STAT5A: variants seen among roughly 807,000 people sequenced by gnomAD.
The protein encoded by STAT5A is epididymis secretory sperm binding protein.
Under a neutral mutation model 100.2 loss-of-function variants are expected in STAT5A, and 26 were observed. The observed-to-expected ratio is 0.26, with a 90% CI of 0.19 to 0.36. The LOEUF (loss-of-function observed/expected upper bound fraction) is 0.36. Ranked by LOEUF, STAT5A falls within the 10% of genes least tolerant of loss-of-function variation. STAT5A has a pLI of 1.00. For missense variants in STAT5A, 634 were observed against 1,027.5 expected (o/e 0.62, Z 5.24); for synonymous variants, 330 against 424.3 (o/e 0.78, Z 2.73).
At chr17:42,306,891 T>C (rs2081034308) in intron 13 of STAT5A, among the ~76,000 whole-genome samples, 1 of 152,070 alleles carries the variant, frequency 6.6e-6, no homozygotes, top group Non-Finnish European at 1.5e-5. Flanking sequence ...GGCTAATTTT[T>C]GTATTTTTAG....
intron 11 of STAT5A, among the ~76,000 whole-genome samples, chr17:42,305,284 C>T (rs548187600): frequency 3.6e-4 from 54 of 152,064 alleles, no homozygotes; most frequent in Non-Finnish European, 6.3e-4. Context: ...GGGTGGATCA[C>T]CTGAGGTCAG....
At chr17:42,290,810 G>T (rs1020366988) in intron 3 of STAT5A, among the ~76,000 whole-genome samples, 51 of 152,238 alleles carry the variant, frequency 3.4e-4, no homozygotes, top group Non-Finnish European at 1.0e-4. Context: ...TGTGAAATGG[G>T]GATCATAGTT....
rs945686205 is a variant in STAT5A, at chr17:42,289,923, G to A, written c.186G>A (p.Glu62=). ...GAGCCCAAGCCACCCAGCTCCTGGA[G>A]GGCCTGGTGCAGGAGCTGCAGAAGA... The part of the protein sequence containing the change: ...QDRAQATQLL[E]GLVQELQKKA... Residue 62 remains glutamate, a synonymous_variant, in exon 3 of 19, where the codon GAG becomes GAA. Transcript: ENST00000590949. 1 of 1,602,074 alleles carries A rather than the reference G, an allele frequency of 6.2e-7. No homozygotes were observed. The highest frequency in any genetic ancestry group is 1.3e-5 in the African/African-American group (1 of 74,760).
chr17:42,302,222 A>G (rs1723340189), intron 9 of STAT5A, among the ~76,000 whole-genome samples: 1 of 152,248 alleles, frequency 6.6e-6, no homozygotes, highest in South Asian at 2.1e-4. Flanking sequence ...TGTGCTACGC[A>G]CTGAGGACAA....
At position 42,304,405 on chromosome 17, in the gene STAT5A, C is replaced by T. The variant is rs1157963764; in HGVS notation, c.1233C>T (p.Thr411=). 1 of 1,614,208 alleles carries T rather than the reference C, an allele frequency of 6.2e-7. No homozygotes were observed. Residue 411 remains threonine, a synonymous_variant, in exon 10 of 19, where the codon ACC becomes ACT. Coordinates refer to ENST00000590949, the MANE Select transcript of STAT5A (RefSeq NM_001288718.2). The surrounding 1 kb of genome is among the most constrained non-coding windows in gnomAD (Gnocchi z 4.8). ...TGGAGTACCACCAAGCCACGGGCACCCTCAGTGCCCACTTCAGGAACATGG... is the reference window on the plus strand; with the variant it reads ...TGGAGTACCACCAAGCCACGGGCACTCTCAGTGCCCACTTCAGGAACATGG... ...CVMEYHQATG[T]LSAHFRNMSL... is the part of the protein sequence containing the mutation.
At chr17:42,305,135 G>A (rs2081015783) in intron 11 of STAT5A, among the ~76,000 whole-genome samples, 1 of 152,210 alleles carries the variant, frequency 6.6e-6, no homozygotes, top group Non-Finnish European at 1.5e-5. Context: ...AGGAGGTCAA[G>A]GCTGCAGTGA....
At chr17:42,309,705 C>T (rs2081062346) in intron 18 of STAT5A, 1 of 477,592 alleles carries the variant, frequency 2.1e-6, no homozygotes, top group Non-Finnish European at 3.7e-6. Context: ...ATGATTGAGC[C>T]TCTCTGATGC....
chr17:42,290,296 T>A, intron 3 of STAT5A: 1 of 318,970 alleles, frequency 3.1e-6, no homozygotes, highest in Non-Finnish European at 5.7e-6. Flanking sequence ...GGAGGGAGAC[T>A]GAGTCAGGAT....
chr17:42,298,597 T>A (rs371206082), intron 5 of STAT5A, among the ~76,000 whole-genome samples: 3 of 151,416 alleles, frequency 2.0e-5, no homozygotes, highest in East Asian at 3.9e-4. Context: ...TCAGCCTCCC[T>A]AGTAGCTGGA....
intron 12 of STAT5A, 170 bp from the exon 13 acceptor site, chr17:42,306,071 A>G: frequency 8.4e-7 from 1 of 1,196,814 alleles, no homozygotes; most frequent in South Asian, 1.5e-5. Context: ...CTGGGAAAAA[A>G]AGTGCAAGCT....
intron 3 of STAT5A, among the ~76,000 whole-genome samples, chr17:42,291,037 C>G (rs1314939143): frequency 6.6e-6 from 1 of 152,228 alleles, no homozygotes; most frequent in African/African-American, 2.4e-5. Flanking sequence ...GAACTCACCA[C>G]AATGTAGGAT....
chr17:42,295,508 A>AGTTTCCCTTCTTT, intron 4 of STAT5A, 111 bp from the exon 5 acceptor site: 1 of 1,152,150 alleles, frequency 8.7e-7, no homozygotes, highest in Non-Finnish European at 1.2e-6. Context: ...TTCCCTTCTT[A>AGTTTCCCTTCTTT]CCCTAGTTTG....
chr17:42,289,750 G>C, intron 2 of STAT5A, 116 bp from the exon 3 acceptor site: 1 of 1,412,254 alleles, frequency 7.1e-7, no homozygotes, highest in Non-Finnish European at 9.4e-7. Context: ...AACAAGTCTT[G>C]TGGGCCCTGG....
intron 9 of STAT5A, 59 bp downstream of exon 9, chr17:42,301,513 G>A (rs142985455): frequency 2.5e-6 from 4 of 1,597,342 alleles, no homozygotes; most frequent in South Asian, 2.2e-5. Context: ...TGCACCCCCC[G>A]CTTTGTCCTT....
At chr17:42,306,662 G>GA (rs1418563994) in intron 13 of STAT5A, among the ~76,000 whole-genome samples, 1 of 138,074 alleles carries the variant, frequency 7.2e-6, no homozygotes, top group Non-Finnish European at 1.5e-5. Context: ...CGAGATGACG[G>GA]AGGGCCCAGG....
intron 3 of STAT5A, 90 bp from the exon 4 acceptor site, chr17:42,291,870 AGCTGAGGCAGAG>A (rs2080872194): frequency 2.4e-6 from 3 of 1,261,390 alleles, no homozygotes; most frequent in Non-Finnish European, 3.4e-6. Context: ...CCCTGGGAAA[AGCTGAGGCAGAG>A]GCTGAAGGAG....
intron 6 of STAT5A, 84 bp from the exon 7 acceptor site, chr17:42,300,046 T>C (rs2080961109): frequency 1.0e-5 from 12 of 1,154,032 alleles, no homozygotes; most frequent in Non-Finnish European, 1.4e-5. Flanking sequence ...GGGAACGGCC[T>C]GGGCCCTGCC....
At chr17:42,298,893 C>T (rs2080947224) in intron 5 of STAT5A, among the ~76,000 whole-genome samples, 2 of 152,148 alleles carry the variant, frequency 1.3e-5, no homozygotes, top group Admixed American at 1.3e-4. Flanking sequence ...TCCCTTCGGC[C>T]TCCCTTTCCT....
At chr17:42,294,230 AG>A (rs1297473085) in intron 4 of STAT5A, among the ~76,000 whole-genome samples, 2 of 149,856 alleles carry the variant, frequency 1.3e-5, no homozygotes, top group Non-Finnish European at 3.0e-5. Context: ...AAAAAAAAAT[AG>A]GGGTTAGAAA....
Sources: allele counts gnomAD v4.1 joint callset (sites outside exome capture counted in the v4.1 genomes callset), GRCh38; gene constraint gnomAD v4.1.1; non-coding constraint Gnocchi (gnomAD v3.1); transcripts MANE v1.5; gene names NCBI Gene and HGNC (gene_info 2026-07-23, HGNC 2026-07-21).